Variants in PCDH15 observed in about 807,000 individuals in gnomAD.
PCDH15 encodes protocadherin related 15, also known as protocadherin-15.
A neutral mutation model predicts 178.5 loss-of-function variants in PCDH15; 129 were observed. The observed-to-expected ratio is 0.72, with a 90% CI of 0.63 to 0.84. The LOEUF is 0.84. Among genes scored for constraint, PCDH15 ranks in the 40% least tolerant of loss-of-function variants. The pLI, the probability that PCDH15 is intolerant of heterozygous loss-of-function variation, is 0.00. For synonymous variants in PCDH15, 800 were observed against 732.0 expected (o/e 1.09, Z -1.50); for missense variants, 2,230 against 2,099.9 (o/e 1.06, Z -1.21).
intron 3 of PCDH15, among the ~76,000 whole-genome samples, chr10:54,420,786 T>G (rs1446357448): frequency 6.6e-6 from 1 of 152,126 alleles, no homozygotes; most frequent in Non-Finnish European, 1.5e-5. Flanking sequence ...AATAGTTGAT[T>G]GGATTTGCTG....
At chr10:54,755,387 A>G (rs1946935924) in intron 1 of PCDH15, among the ~76,000 whole-genome samples, 1 of 152,204 alleles carries the variant, frequency 6.6e-6, no homozygotes, top group Non-Finnish European at 1.5e-5. Flanking sequence ...ACTGAGCCAA[A>G]TCAAGTTTAT....
Position 55,159,851 on chromosome 10 carries a change from G to A in PCDH15, c.-80+6725C>T, listed in dbSNP as rs1433623404. Among the ~76,000 whole-genome samples the A allele has an allele frequency of 6.7e-5, 10 of 149,458 alleles. No individual in the cohort carries two copies. In the Admixed American group the frequency reaches 6.7e-4, roughly 10 times the overall value. Reference sequence around the variant, plus strand: ...CATCTTTGTTTATCCTTTTGCAAACGACGGTTTTTTTTTCCTCTCTCAATA... The same window carrying A: ...CATCTTTGTTTATCCTTTTGCAAACAACGGTTTTTTTTTCCTCTCTCAATA... On this transcript the variant is annotated intron_variant, in intron 2 of 5. Transcript: ENST00000458638.
intron 8 of PCDH15, among the ~76,000 whole-genome samples, chr10:54,307,001 TATATATATATATAC>T (rs760707844): frequency 0.12 from 8,981 of 75,804 alleles, 2,034 homozygotes; most frequent in Non-Finnish European, 0.19. Context: ...TGAAATTAAA[TATATATATATATAC>T]ATATATATAT....
At chr10:53,841,922 C>T (rs1163792539) in intron 28 of PCDH15, among the ~76,000 whole-genome samples, 2 of 123,764 alleles carry the variant, frequency 1.6e-5, no homozygotes, top group Non-Finnish European at 3.2e-5. Context: ...GCCTGGGCGA[C>T]AGAGCAAGAT....
chr10:54,970,813 T>C (rs1838912738), intron 2 of PCDH15, among the ~76,000 whole-genome samples: 1 of 152,158 alleles, frequency 6.6e-6, no homozygotes, highest in Non-Finnish European at 1.5e-5. Flanking sequence ...GGCCTCAAGA[T>C]TTAAAGTTGT....
chr10:53,857,345 C>A (rs2078822632), intron 27 of PCDH15, 82 bp from the exon 28 acceptor site: 2 of 974,132 alleles, frequency 2.1e-6, no homozygotes, highest in Admixed American at 1.7e-5. Flanking sequence ...TTACCTCTTC[C>A]CTACTATGCA....
intron 3 of PCDH15, among the ~76,000 whole-genome samples, chr10:54,494,459 T>C: frequency 6.6e-6 from 1 of 152,158 alleles, no homozygotes; most frequent in Non-Finnish European, 1.5e-5. Flanking sequence ...AAATAGATTT[T>C]AACCAATTTC....
At chr10:55,305,767 T>C (rs1364780564) in intron 1 of PCDH15, among the ~76,000 whole-genome samples, 1 of 152,194 alleles carries the variant, frequency 6.6e-6, no homozygotes, top group South Asian at 2.1e-4. Context: ...AATAATATTA[T>C]GTTGTTTCAA....
intron 3 of PCDH15, among the ~76,000 whole-genome samples, chr10:54,808,799 A>G (rs1326995725): frequency 6.6e-6 from 1 of 152,212 alleles, no homozygotes; most frequent in Non-Finnish European, 1.5e-5. Context: ...TCAAAATGCT[A>G]TGACAGGATA....
intron 3 of PCDH15, among the ~76,000 whole-genome samples, chr10:54,424,739 C>A (rs1264634088): frequency 2.0e-5 from 3 of 151,644 alleles, no homozygotes; most frequent in African/African-American, 7.3e-5. Flanking sequence ...AACCATCATT[C>A]TGAGCAAACT....
chr10:54,739,748 T>C (rs1211523755), intron 1 of PCDH15, among the ~76,000 whole-genome samples: 3 of 151,928 alleles, frequency 2.0e-5, no homozygotes, highest in Non-Finnish European at 4.4e-5. Context: ...TTCAGCCAAC[T>C]CATTTCAAAA....
chr10:55,158,046 T>C (rs577582095), intron 2 of PCDH15, among the ~76,000 whole-genome samples: 16 of 131,052 alleles, frequency 1.2e-4, no homozygotes, highest in African/African-American at 4.3e-4. Context: ...CAATTTAGAT[T>C]CAAAATCACA....
At chr10:55,035,924 A>G (rs1041302015) in intron 2 of PCDH15, among the ~76,000 whole-genome samples, 2 of 152,158 alleles carry the variant, frequency 1.3e-5, no homozygotes, top group African/African-American at 4.8e-5. Flanking sequence ...ACGAGAAGGA[A>G]TAAAATTATT....
chr10:54,597,920 C>G (rs2092321165), intron 2 of PCDH15, among the ~76,000 whole-genome samples: 1 of 152,086 alleles, frequency 6.6e-6, no homozygotes, highest in Non-Finnish European at 1.5e-5. Flanking sequence ...ATACAGTCTT[C>G]CAAGCTGAAC....
At chr10:54,283,932 TC>T (rs1462453017) in intron 8 of PCDH15, among the ~76,000 whole-genome samples, 9 of 152,136 alleles carry the variant, frequency 5.9e-5, no homozygotes, top group Non-Finnish European at 5.9e-5. Context: ...CACTGGAGCC[TC>T]AAGTTCTTGG....
At chr10:55,375,012 C>T (rs184951939) in intron 2 of PCDH15, among the ~76,000 whole-genome samples, 37 of 152,210 alleles carry the variant, frequency 2.4e-4, no homozygotes, top group Admixed American at 3.3e-4. Flanking sequence ...TAACTATCTT[C>T]TATCTTTTCA....
intron 2 of PCDH15, among the ~76,000 whole-genome samples, chr10:55,508,823 GTTGTA>G (rs748979090): frequency 9.3e-4 from 141 of 151,800 alleles, no homozygotes; most frequent in Middle Eastern, 3.4e-3. Flanking sequence ...AAAGTGAGAA[GTTGTA>G]TTGTATTGTA....
intron 1 of PCDH15, among the ~76,000 whole-genome samples, chr10:55,267,639 T>C (rs1842335062): frequency 6.6e-6 from 1 of 152,212 alleles, no homozygotes; most frequent in Non-Finnish European, 1.5e-5. Context: ...TCCCTTTTCA[T>C]ATTTATTCAA....
intron 2 of PCDH15, among the ~76,000 whole-genome samples, chr10:54,620,116 C>A (rs1479830826): frequency 6.6e-6 from 1 of 151,976 alleles, no homozygotes; most frequent in Non-Finnish European, 1.5e-5. Flanking sequence ...TAAATCGTTG[C>A]AGCAGAGATG....
Sources: allele counts gnomAD v4.1 joint callset (sites outside exome capture counted in the v4.1 genomes callset), GRCh38; gene constraint gnomAD v4.1.1; transcripts MANE v1.5; gene names NCBI Gene and HGNC (gene_info 2026-07-23, HGNC 2026-07-21).